The following ZNF184 variants were observed in gnomAD, a reference collection of about 807,000 sequenced individuals.
ZNF184 encodes the protein zinc finger protein 184 (Kruppel-like).
A neutral mutation model predicts 54.4 loss-of-function variants in ZNF184; 16 were observed. The ratio of observed to expected loss-of-function variants is 0.29; its 90% CI spans 0.20 to 0.45. ZNF184 has a LOEUF of 0.45. Among genes scored for constraint, ZNF184 ranks in the 20% least tolerant of loss-of-function variants. The pLI is 1.00. For missense variants in ZNF184, 681 were observed against 888.2 expected, an observed-to-expected ratio of 0.77 and a Z score of 2.97; for synonymous variants, 254 against 295.3, an observed-to-expected ratio of 0.86 and a Z score of 1.43.
At chr6:27,420,673 T>C in the ZNF184 span, among the ~76,000 whole-genome samples, 1 of 152,174 alleles carries the variant, frequency 6.6e-6, no homozygotes, top group African/African-American at 2.4e-5. Context: ...TGTGGACAAA[T>C]AGGAGCTGTC....
At chr6:27,465,484 C>CAAAAAAAAAAAAAA (rs60538455) in intron 3 of ZNF184, among the ~76,000 whole-genome samples, 1 of 35,170 alleles carries the variant, frequency 2.8e-5, no homozygotes, top group Non-Finnish European at 4.9e-5. Context: ...GACTCCATCT[C>CAAAAAAAAAAAAAA]AAAAAAAAAA....
At chr6:27,428,474 G>A in the ZNF184 span, among the ~76,000 whole-genome samples, 2 of 152,160 alleles carry the variant, frequency 1.3e-5, no homozygotes, top group Non-Finnish European at 2.9e-5. This position sits in a 1 kb window ranked among gnomAD's most constrained non-coding sequence, Gnocchi z 4.1. Context: ...AGCATCCAGC[G>A]TCAATGAATA....
intron 2 of ZNF184, among the ~76,000 whole-genome samples, chr6:27,469,869 G>T (rs901210440): frequency 2.6e-5 from 4 of 152,088 alleles, no homozygotes; most frequent in African/African-American, 9.7e-5. Context: ...AGGCTTGTTG[G>T]GTTGGAAGAC....
At chr6:27,433,955 C>G in the ZNF184 span, among the ~76,000 whole-genome samples, 2 of 149,596 alleles carry the variant, frequency 1.3e-5, no homozygotes, top group Non-Finnish European at 3.0e-5. Context: ...TTCCTTCTTT[C>G]CTTCCTTCCT....
At chr6:27,434,168 T>C in the ZNF184 span, among the ~76,000 whole-genome samples, 1 of 152,110 alleles carries the variant, frequency 6.6e-6, no homozygotes, top group Non-Finnish European at 1.5e-5. Context: ...CTACATTTGC[T>C]TTCAATTCTT....
At chr6:27,437,120 T>C in the ZNF184 span, among the ~76,000 whole-genome samples, 1 of 152,250 alleles carries the variant, frequency 6.6e-6, no homozygotes, top group Admixed American at 6.5e-5. Context: ...ATGATTCCCA[T>C]GGACCCTTCC....
chr6:27,446,208 A>T (rs1028156829), downstream of ZNF184, among the ~76,000 whole-genome samples: 1 of 152,206 alleles, frequency 6.6e-6, no homozygotes, highest in Non-Finnish European at 1.5e-5. Context: ...CATTTCAAAG[A>T]TCTTCAAGTC....
At chr6:27,429,901 A>T in the ZNF184 span, among the ~76,000 whole-genome samples, 6 of 152,250 alleles carry the variant, frequency 3.9e-5, no homozygotes, top group Non-Finnish European at 7.3e-5. Flanking sequence ...TTTGTGGCAC[A>T]GAGCCTTCAT....
At chr6:27,426,159 A>T in the ZNF184 span, among the ~76,000 whole-genome samples, 1 of 152,246 alleles carries the variant, frequency 6.6e-6, no homozygotes. The surrounding 1 kb of genome is among the most constrained non-coding windows in gnomAD (Gnocchi z 4.2). Flanking sequence ...CATCTGGCTT[A>T]TAGCCTTCCA....
chr6:27,410,688 C>T, the ZNF184 span, among the ~76,000 whole-genome samples: 37 of 152,110 alleles, frequency 2.4e-4, no homozygotes, highest in Non-Finnish European at 3.8e-4. Context: ...CGCACCACCA[C>T]GCCCGGCTAA....
chr6:27,430,169 G>C, the ZNF184 span, among the ~76,000 whole-genome samples: 1 of 152,062 alleles, frequency 6.6e-6, no homozygotes, highest in South Asian at 2.1e-4. Context: ...TTTCACACGG[G>C]GATTTTATCT....
downstream of ZNF184, among the ~76,000 whole-genome samples, chr6:27,446,952 C>T (rs1453283809): frequency 1.3e-5 from 2 of 151,852 alleles, no homozygotes; most frequent in African/African-American, 4.8e-5. Context: ...CAAGACCAGC[C>T]TGGCCAACCT....
the ZNF184 span, among the ~76,000 whole-genome samples, chr6:27,409,228 G>A: frequency 6.6e-6 from 1 of 152,090 alleles, no homozygotes; most frequent in East Asian, 1.9e-4. Flanking sequence ...GCTGAGCGCA[G>A]GTGGCTCATG....
chr6:27,448,493 C>A (rs1762663219), downstream of ZNF184, among the ~76,000 whole-genome samples: 1 of 152,204 alleles, frequency 6.6e-6, no homozygotes. Flanking sequence ...CAATGACTTG[C>A]CATCTCATTC....
chr6:27,408,958 TA>T, the ZNF184 span, among the ~76,000 whole-genome samples: 1 of 152,214 alleles, frequency 6.6e-6, no homozygotes, highest in African/African-American at 2.4e-5. Flanking sequence ...GAATATTGTT[TA>T]AATTACCTCT....
chr6:27,469,702 A>T (rs1763227621), intron 2 of ZNF184, among the ~76,000 whole-genome samples: 1 of 152,202 alleles, frequency 6.6e-6, no homozygotes, highest in South Asian at 2.1e-4. Flanking sequence ...CAATGCTGTA[A>T]GAGATGCTTG....
At chr6:27,464,464 T>C (rs1474201145) in intron 3 of ZNF184, among the ~76,000 whole-genome samples, 1 of 151,084 alleles carries the variant, frequency 6.6e-6, no homozygotes, top group Non-Finnish European at 1.5e-5. Context: ...AAGCAACAAG[T>C]AAAATAGCAA....
Position 27,453,245 on chromosome 6 carries a change from A to C in ZNF184, c.314T>G (p.Leu105Arg). Residue 105 changes from leucine to arginine, a missense_variant, in exon 6 of 6, where the codon CTT (leucine) becomes CGT (arginine). Coordinates refer to ENST00000683788, the MANE Select transcript of ZNF184 (RefSeq NM_001318891.2). This position sits in a 1 kb window ranked among gnomAD's most constrained non-coding sequence, Gnocchi z 4.7. ...CTCTGGGGCTGACACACTATTTTCA[A>C]GTCTTGTCTCCCAGTCTAAAAGAAA... Reference protein sequence around the residue: ...VGTCADWETRLENSVSAPEPD... With the variant: ...VGTCADWETRRENSVSAPEPD... 1 of 1,595,550 alleles carries C rather than the reference A, an allele frequency of 6.3e-7. No homozygotes were observed. The highest frequency in any genetic ancestry group is 8.5e-7 in the Non-Finnish European group (1 of 1,173,396).
At chr6:27,415,143 T>C in the ZNF184 span, among the ~76,000 whole-genome samples, 1 of 152,218 alleles carries the variant, frequency 6.6e-6, no homozygotes, top group African/African-American at 2.4e-5. Context: ...ATGAGCTGGC[T>C]ATAACTCAGT....
Sources: gnomAD v4.1 joint callset for allele counts (sites outside exome capture counted in the v4.1 genomes callset) on GRCh38, gnomAD v4.1.1 for gene constraint, Gnocchi (gnomAD v3.1) non-coding constraint, MANE v1.5 for transcripts, NCBI Gene and HGNC (gene_info 2026-07-23, HGNC 2026-07-21) for gene names.